Variants in TTC29 observed in about 807,000 individuals in gnomAD.
The protein encoded by TTC29 is tetratricopeptide repeat protein 29.
In TTC29, 49 loss-of-function variants were observed where a neutral mutation model predicts 58.1. The observed-to-expected ratio is 0.84, with a 90% CI of 0.67 to 1.07. The LOEUF is 1.07. TTC29 is among the 50% of genes least tolerant of loss of function. The pLI is 0.00. For synonymous variants in TTC29, 209 were observed against 196.8 expected (o/e 1.06, Z -0.52); for missense variants, 582 against 555.6 (o/e 1.05, Z -0.48).
chr4:146,798,329 A>G lies in TTC29; in HGVS notation c.1330+5128T>C, dbSNP rs988609920. The stretch of plus-strand genomic sequence containing the variant: ...GGAAGTAAGACACAGGATTGGATAC[A>G]GGAGGATGAATTAAAGTCTTCAGAT... On this transcript the variant is annotated intron_variant, in intron 11 of 12. Coordinates refer to ENST00000325106, the MANE Select transcript of TTC29 (RefSeq NM_031956.4). Among the ~76,000 whole-genome samples, 42 of 152,302 alleles carry G rather than the reference A, an allele frequency of 2.8e-4. 1 individual carries two copies. The highest frequency in any genetic ancestry group is 9.9e-4 in the African/African-American group (41 of 41,566).
chr4:146,725,237 T>C (rs568633119), intron 11 of TTC29, among the ~76,000 whole-genome samples: 1 of 152,242 alleles, frequency 6.6e-6, no homozygotes, highest in Admixed American at 6.5e-5. Flanking sequence ...ATTCAGATGA[T>C]AAAAATTACT....
rs1750373522 is a variant in TTC29, at chr4:146,803,451, C to A, written c.1330+6G>T. On this transcript the variant is annotated splice_donor_region_variant and intron_variant, in intron 11 of 12. Transcript: ENST00000325106. ...AACTAAAGTGTTCTAAAAACCAATG[C>A]CTTACCAGTAACTGGATCAGGTTCA... 1.3e-6 allele frequency: 2 copies of A among 1,557,092 alleles called. No individual in the cohort carries two copies. Among genetic ancestry groups the A allele is most frequent in the Non-Finnish European group, 1.7e-6 (2 of 1,146,692 alleles).
chr4:146,769,095 G>A (rs1747531656), intron 11 of TTC29, among the ~76,000 whole-genome samples: 1 of 151,864 alleles, frequency 6.6e-6, no homozygotes, highest in South Asian at 2.1e-4. Flanking sequence ...GCGACAAAAT[G>A]GTTGCTTTCA....
At chr4:146,860,625 G>A (rs1184103810) in intron 8 of TTC29, among the ~76,000 whole-genome samples, 1 of 152,134 alleles carries the variant, frequency 6.6e-6, no homozygotes, top group Non-Finnish European at 1.5e-5. Context: ...ATGGGACAGA[G>A]TGGAACAGCA....
chr4:146,719,432 A>G (rs894665112), intron 11 of TTC29, among the ~76,000 whole-genome samples: 2 of 152,144 alleles, frequency 1.3e-5, no homozygotes, highest in African/African-American at 4.8e-5. Context: ...TTGGATCTTA[A>G]ATCCATCCTC....
chr4:146,740,065 T>TG (rs910527394), intron 11 of TTC29, among the ~76,000 whole-genome samples: 37 of 152,232 alleles, frequency 2.4e-4, no homozygotes, highest in Admixed American at 1.2e-3. Flanking sequence ...TGGAAGGACC[T>TG]GGGGGGTCTC....
chr4:146,887,903 T>C (rs115121233), intron 6 of TTC29, among the ~76,000 whole-genome samples: 9 of 152,124 alleles, frequency 5.9e-5, no homozygotes, highest in African/African-American at 1.2e-4. Context: ...AAGTGTTACC[T>C]CATTTGTATG....
chr4:146,899,843 G>A (rs781456895), intron 6 of TTC29, among the ~76,000 whole-genome samples: 10 of 152,142 alleles, frequency 6.6e-5, no homozygotes, highest in African/African-American at 1.4e-4. Context: ...CCACCTGCCC[G>A]TTGCCATCTG....
Position 146,794,787 on chromosome 4 carries a change from C to CT in TTC29, c.1330+8669dup, listed in dbSNP as rs545372810. Reference sequence around the variant, plus strand: ...CTGCCGATATCATGAAATACACAGCCTTTTTTTAAAAAAATTTAATTTTAA... The same window carrying CT: ...CTGCCGATATCATGAAATACACAGCCTTTTTTTTAAAAAAATTTAATTTTAA... On this transcript the variant is annotated intron_variant, in intron 11 of 12. Coordinates refer to ENST00000325106, the MANE Select transcript of TTC29 (RefSeq NM_031956.4). Among the ~76,000 whole-genome samples the CT allele has an allele frequency of 4.0e-3, 607 of 152,066 alleles. 5 individuals carry two copies. The highest frequency in any genetic ancestry group is 0.013 in the African/African-American group (532 of 41,504).
intron 8 of TTC29, among the ~76,000 whole-genome samples, chr4:146,861,642 T>C (rs1730238839): frequency 6.6e-6 from 1 of 152,222 alleles, no homozygotes; most frequent in African/African-American, 2.4e-5. Flanking sequence ...CACATTCTTC[T>C]ATGACTGTAT....
At chr4:146,770,307 T>C (rs1747634864) in intron 11 of TTC29, among the ~76,000 whole-genome samples, 1 of 151,930 alleles carries the variant, frequency 6.6e-6, no homozygotes, top group African/African-American at 2.4e-5. Flanking sequence ...TCTGAGCTTC[T>C]GCATTTCTCA....
intron 11 of TTC29, among the ~76,000 whole-genome samples, chr4:146,719,269 TA>T (rs1368759382): frequency 6.6e-6 from 1 of 151,908 alleles, no homozygotes; most frequent in African/African-American, 2.4e-5. Context: ...CTTTTCTATT[TA>T]TGAAAAATGA....
At chr4:146,707,796 T>C (rs1261084823) in intron 11 of TTC29, among the ~76,000 whole-genome samples, 2 of 152,156 alleles carry the variant, frequency 1.3e-5, no homozygotes, top group Non-Finnish European at 2.9e-5. Flanking sequence ...AGTTTTCTTC[T>C]TGAAATTGAG....
chr4:146,845,011 C>T (rs918744673), intron 8 of TTC29, among the ~76,000 whole-genome samples: 16 of 151,440 alleles, frequency 1.1e-4, no homozygotes, highest in African/African-American at 3.6e-4. Context: ...AAAACTCAGC[C>T]CCTCGTCTTC....
intron 4 of TTC29, among the ~76,000 whole-genome samples, chr4:146,924,509 T>A (rs536232044): frequency 1.2e-3 from 185 of 152,056 alleles, no homozygotes; most frequent in African/African-American, 4.2e-3. Context: ...AATTTAGCCA[T>A]TTCATCTAAG....
At chr4:146,812,555 T>A (rs1293766844) in intron 10 of TTC29, among the ~76,000 whole-genome samples, 1 of 152,180 alleles carries the variant, frequency 6.6e-6, no homozygotes, top group Non-Finnish European at 1.5e-5. Context: ...TATTTATAAG[T>A]GCCTTTTTAC....
At chr4:146,742,881 T>C (rs555958688) in intron 11 of TTC29, among the ~76,000 whole-genome samples, 101 of 152,134 alleles carry the variant, frequency 6.6e-4, no homozygotes, top group Admixed American at 3.8e-3. Context: ...ATAAAACATT[T>C]AAAATAATAT....
chr4:146,804,919 A>C (rs1750495011), intron 10 of TTC29, among the ~76,000 whole-genome samples: 2 of 151,942 alleles, frequency 1.3e-5, no homozygotes, highest in Non-Finnish European at 2.9e-5. Flanking sequence ...TGGGTCCCTG[A>C]CCCCCATGCC....
intron 5 of TTC29, among the ~76,000 whole-genome samples, chr4:146,908,211 T>G (rs1209164130): frequency 2.6e-5 from 4 of 151,982 alleles, no homozygotes; most frequent in Admixed American, 6.6e-5. Context: ...GAGGCCTGAG[T>G]TTTTCTTTTT....
Sources: allele counts gnomAD v4.1 joint callset (sites outside exome capture counted in the v4.1 genomes callset), GRCh38; gene constraint gnomAD v4.1.1; transcripts MANE v1.5; gene names NCBI Gene and HGNC (gene_info 2026-07-23, HGNC 2026-07-21).